The following PTK2 variants were observed in gnomAD, a reference collection of about 807,000 sequenced individuals.
The protein encoded by PTK2 is protein tyrosine kinase 2.
In PTK2, 45 loss-of-function variants were observed where a neutral mutation model predicts 150.1. The observed-to-expected ratio is 0.30, with a 90% CI of 0.24 to 0.38. The LOEUF is 0.38. Ranked by LOEUF, PTK2 falls within the 10% of genes least tolerant of loss-of-function variation. The pLI is 1.00. For synonymous variants in PTK2, 432 were observed against 449.2 expected, an observed-to-expected ratio of 0.96 and a Z score of 0.48; for missense variants, 919 against 1,307.3, an observed-to-expected ratio of 0.70 and a Z score of 4.58.
intron 15 of PTK2, among the ~76,000 whole-genome samples, chr8:140,763,519 C>A (rs940517243): frequency 5.9e-5 from 9 of 151,720 alleles, no homozygotes; most frequent in Non-Finnish European, 1.2e-4. Flanking sequence ...AAATAAATTT[C>A]TTTTTGCAAA....
chr8:140,969,985 AGCTGTAG>A (rs1169843238), intron 1 of PTK2, among the ~76,000 whole-genome samples: 1 of 152,272 alleles, frequency 6.6e-6, no homozygotes, highest in African/African-American at 2.4e-5. Context: ...CTCTGGAGGC[AGCTGTAG>A]GCTGATGTGC....
At chr8:140,943,680 C>T (rs956095162) in intron 1 of PTK2, among the ~76,000 whole-genome samples, 2 of 152,164 alleles carry the variant, frequency 1.3e-5, no homozygotes, top group African/African-American at 4.8e-5. Flanking sequence ...TAACATTTTG[C>T]ACTTCCACCA....
intron 10 of PTK2, among the ~76,000 whole-genome samples, chr8:140,812,183 C>G (rs2154601189): frequency 1.3e-5 from 2 of 152,202 alleles, no homozygotes; most frequent in Middle Eastern, 6.8e-3. Flanking sequence ...AAAGGAAGGC[C>G]CATCAGATAA....
intron 1 of PTK2, among the ~76,000 whole-genome samples, chr8:140,936,654 A>G (rs2100173749): frequency 1.3e-5 from 2 of 152,086 alleles, no homozygotes; most frequent in South Asian, 4.2e-4. Flanking sequence ...TCACACCTCC[A>G]CCAGCAAATT....
intron 4 of PTK2, among the ~76,000 whole-genome samples, chr8:140,871,149 A>T (rs2154606805): frequency 6.6e-6 from 1 of 152,360 alleles, no homozygotes; most frequent in Middle Eastern, 3.4e-3. Context: ...TATTTCCATC[A>T]ATTTATAACT....
At chr8:140,980,041 T>C (rs535336541) in intron 1 of PTK2, among the ~76,000 whole-genome samples, 47 of 152,210 alleles carry the variant, frequency 3.1e-4, no homozygotes, top group African/African-American at 1.1e-3. Flanking sequence ...ACTAGTCAGG[T>C]TGAAGACTGG....
At chr8:140,800,379 G>T in intron 12 of PTK2, 80 bp downstream of exon 12, 1 of 1,102,498 alleles carries the variant, frequency 9.1e-7, no homozygotes, top group African/African-American at 1.5e-5. Flanking sequence ...ACCTAAAAGA[G>T]GATAACAGGC....
At chr8:140,862,181 T>C (rs1377090832) in intron 5 of PTK2, among the ~76,000 whole-genome samples, 1 of 152,146 alleles carries the variant, frequency 6.6e-6, no homozygotes, top group East Asian at 1.9e-4. Context: ...TAAGCCTGTA[T>C]TATGCATTCT....
intron 12 of PTK2, among the ~76,000 whole-genome samples, chr8:140,798,731 C>T (rs1180161408): frequency 6.6e-6 from 1 of 152,094 alleles, no homozygotes; most frequent in Admixed American, 6.6e-5. Flanking sequence ...AGGAAATGGG[C>T]AATCTATTAC....
chr8:140,896,626 G>C (rs1476227165), intron 2 of PTK2, among the ~76,000 whole-genome samples: 1 of 152,142 alleles, frequency 6.6e-6, no homozygotes, highest in Non-Finnish European at 1.5e-5. Context: ...TCATATATCT[G>C]ACAAAGAGTA....
chr8:140,685,475 T>C (rs1230568289), intron 27 of PTK2, among the ~76,000 whole-genome samples: 3 of 152,126 alleles, frequency 2.0e-5, no homozygotes, highest in Non-Finnish European at 2.9e-5. Flanking sequence ...GAGAAAATAT[T>C]TGCAAACTGT....
chr8:140,829,711 G>A lies in PTK2; in HGVS notation c.648+761C>T, dbSNP rs189507234. ...ACTGTTGCTATGTGACAGGTACTGTGGTAAGTAATATATTTACTAATCTGT... is the reference window on the plus strand; with the variant it reads ...ACTGTTGCTATGTGACAGGTACTGTAGTAAGTAATATATTTACTAATCTGT... On this transcript the variant is annotated intron_variant, in intron 8 of 31. Transcript: ENST00000522684. Among the ~76,000 whole-genome samples the A allele has an allele frequency of 1.1e-3, 160 of 152,062 alleles. 1 individual carries two copies. The highest frequency in any genetic ancestry group is 3.7e-3 in the African/African-American group (152 of 41,462).
At chr8:140,718,584 T>C (rs1056439220) in intron 22 of PTK2, 1 of 152,220 alleles carries the variant, frequency 6.6e-6, no homozygotes, top group Non-Finnish European at 1.5e-5. Flanking sequence ...ATTCAAAGTT[T>C]CTAGGCTCCT....
intron 1 of PTK2, among the ~76,000 whole-genome samples, chr8:140,965,203 A>C (rs1488273288): frequency 6.6e-6 from 1 of 152,208 alleles, no homozygotes; most frequent in African/African-American, 2.4e-5. Context: ...GTCTCTCAGC[A>C]CTGTCTCTTA....
intron 22 of PTK2, among the ~76,000 whole-genome samples, chr8:140,719,581 A>C (rs1449204801): frequency 6.6e-6 from 1 of 152,200 alleles, no homozygotes; most frequent in Non-Finnish European, 1.5e-5. Flanking sequence ...CATCTGCTAT[A>C]AGCGTTAGTT....
intron 2 of PTK2, among the ~76,000 whole-genome samples, chr8:140,896,475 A>G (rs1366615704): frequency 2.6e-5 from 4 of 152,252 alleles, no homozygotes; most frequent in Admixed American, 1.3e-4. Flanking sequence ...AAAGGTATTC[A>G]TTCAAAAAGC....
chr8:140,930,474 T>C (rs995358713), intron 1 of PTK2, among the ~76,000 whole-genome samples: 1 of 152,220 alleles, frequency 6.6e-6, no homozygotes, highest in Non-Finnish European at 1.5e-5. Flanking sequence ...CAACTGATGC[T>C]TTTTTCCTTT....
intron 27 of PTK2, among the ~76,000 whole-genome samples, chr8:140,676,598 C>T (rs1180339253): frequency 1.7e-5 from 1 of 60,570 alleles, no homozygotes; most frequent in Non-Finnish European, 4.1e-5. Flanking sequence ...GAAGAGTTGC[C>T]GCGGTCGGTG....
intron 22 of PTK2, among the ~76,000 whole-genome samples, chr8:140,725,300 T>G (rs2100045093): frequency 6.6e-6 from 1 of 152,226 alleles, no homozygotes; most frequent in Non-Finnish European, 1.5e-5. Flanking sequence ...CAAATGTTAC[T>G]TTAAAATGTT....
Sources: gnomAD v4.1 joint callset for allele counts (sites outside exome capture counted in the v4.1 genomes callset) on GRCh38, gnomAD v4.1.1 for gene constraint, MANE v1.5 for transcripts, NCBI Gene and HGNC (gene_info 2026-07-23, HGNC 2026-07-21) for gene names.